AGFG1: variants seen among roughly 807,000 people sequenced by gnomAD.
The protein encoded by AGFG1 is arf-GAP domain and FG repeat-containing protein 1.
In AGFG1, 10 loss-of-function variants were observed where a neutral mutation model predicts 60.6. That is an observed-to-expected ratio of 0.16 (90% CI 0.10 to 0.28). The LOEUF is 0.28. Among genes scored for constraint, AGFG1 ranks in the 10% least tolerant of loss-of-function variants. AGFG1 has a pLI of 1.00. For synonymous variants in AGFG1, 247 were observed against 242.9 expected, an observed-to-expected ratio of 1.02 and a Z score of -0.16; for missense variants, 537 against 676.5, an observed-to-expected ratio of 0.79 and a Z score of 2.29.
intron 2 of AGFG1, among the ~76,000 whole-genome samples, chr2:227,509,040 A>G (rs1029111111): frequency 3.9e-5 from 6 of 152,232 alleles, no homozygotes; most frequent in Non-Finnish European, 8.8e-5. Flanking sequence ...AAAGGAAGCC[A>G]TAAACATGTA....
At chr2:227,529,898 A>G (rs1238480649) in intron 5 of AGFG1, among the ~76,000 whole-genome samples, 1 of 151,892 alleles carries the variant, frequency 6.6e-6, no homozygotes, top group Non-Finnish European at 1.5e-5. Flanking sequence ...TTTTTTAATA[A>G]GAGAAGCTAG....
intron 2 of AGFG1, among the ~76,000 whole-genome samples, chr2:227,494,019 A>G (rs982479540): frequency 2.0e-5 from 3 of 152,038 alleles, no homozygotes; most frequent in African/African-American, 4.8e-5. Flanking sequence ...ATAGGTTGCT[A>G]GGAAATATAC....
chr2:227,522,406 C>T (rs1043242675), intron 3 of AGFG1, among the ~76,000 whole-genome samples: 2 of 152,162 alleles, frequency 1.3e-5, no homozygotes, highest in Admixed American at 1.3e-4. Flanking sequence ...TTCTTGTATT[C>T]ATTCTCATAC....
intron 1 of AGFG1, 78 bp downstream of exon 1, chr2:227,472,666 C>T: frequency 6.9e-7 from 1 of 1,455,210 alleles, no homozygotes; most frequent in Non-Finnish European, 9.1e-7. Context: ...GGGACCCTTC[C>T]GGGGCTGGGA....
chr2:227,515,425 T>C (rs574532828), intron 2 of AGFG1, among the ~76,000 whole-genome samples: 1 of 152,306 alleles, frequency 6.6e-6, no homozygotes, highest in East Asian at 1.9e-4. Flanking sequence ...CCACCACTGA[T>C]TCTCTCTTCC....
chr2:227,513,438 T>G (rs1278418434), intron 2 of AGFG1, among the ~76,000 whole-genome samples: 1 of 152,206 alleles, frequency 6.6e-6, no homozygotes, highest in Non-Finnish European at 1.5e-5. Context: ...GGTTAGGATT[T>G]TTACTTTTCA....
chr2:227,510,774 T>C (rs1691474745), intron 2 of AGFG1: 4 of 152,234 alleles, frequency 2.6e-5, no homozygotes, highest in Admixed American at 1.3e-4. Flanking sequence ...GGTATGGGTA[T>C]GTGAGCTGTG....
chr2:227,547,846 T>C (rs1692698604), intron 10 of AGFG1, among the ~76,000 whole-genome samples: 1 of 152,294 alleles, frequency 6.6e-6, no homozygotes, highest in Non-Finnish European at 1.5e-5. Context: ...ATTAGGAATA[T>C]ACCAAAGAGG....
At chr2:227,482,114 T>C (rs1436860310) in intron 1 of AGFG1, among the ~76,000 whole-genome samples, 1 of 152,020 alleles carries the variant, frequency 6.6e-6, no homozygotes, top group Non-Finnish European at 1.5e-5. Flanking sequence ...ATCTGCCCGC[T>C]TCGGCCTCCC....
In AGFG1 at chr2:227,554,542, A is replaced by C; in HGVS notation, c.*47A>C. The C allele has an allele frequency of 7.0e-7, 1 of 1,431,508 alleles. No individual in the cohort carries two copies. The highest frequency in any genetic ancestry group is 9.8e-7 in the Non-Finnish European group (1 of 1,018,914). The allele number at this position is 1,431,508 out of a possible 1,614,324, so 88.7% of individuals were successfully genotyped here. A position where few individuals can be genotyped will look rare whatever the true frequency, so the allele number is the denominator to read the frequency against. The stretch of plus-strand genomic sequence containing the variant: ...GAACGAACTTTTATGTGGTCACATT[A>C]CATCTCTCCACCTCTTGCACTGTTG... On this transcript the variant is annotated 3_prime_UTR_variant, in exon 13 of 13. Transcript: ENST00000310078.
At chr2:227,530,290 G>C (rs6707385) in intron 5 of AGFG1, among the ~76,000 whole-genome samples, 90,830 of 151,990 alleles carry the variant, frequency 0.6, 27,212 homozygotes, top group South Asian at 0.7. Flanking sequence ...GAATTTATTA[G>C]TGTTGAATTT....
chr2:227,526,734 G>C (rs1288395109), intron 5 of AGFG1, among the ~76,000 whole-genome samples: 1 of 151,086 alleles, frequency 6.6e-6, no homozygotes, highest in Non-Finnish European at 1.5e-5. Flanking sequence ...AGTAAAGATG[G>C]GGTTTCACCA....
chr2:227,476,529 T>C (rs1445584207), intron 1 of AGFG1, among the ~76,000 whole-genome samples: 2 of 152,214 alleles, frequency 1.3e-5, no homozygotes, highest in Non-Finnish European at 2.9e-5. Flanking sequence ...TTTAATACCA[T>C]CTATTTTATG....
intron 1 of AGFG1, among the ~76,000 whole-genome samples, chr2:227,482,235 C>A (rs1690492605): frequency 6.6e-6 from 1 of 152,108 alleles, no homozygotes; most frequent in Middle Eastern, 3.2e-3. Flanking sequence ...TTTTTAGATG[C>A]TTGCTCTAAG....
chr2:227,512,448 T>A (rs1337850312), intron 2 of AGFG1, among the ~76,000 whole-genome samples: 1 of 152,182 alleles, frequency 6.6e-6, no homozygotes, highest in African/African-American at 2.4e-5. Context: ...GTCAAAGTAA[T>A]GTAGGCTGGA....
chr2:227,489,223 G>GTT (rs55762248), intron 1 of AGFG1, among the ~76,000 whole-genome samples: 1,699 of 74,826 alleles, frequency 0.023, 84 homozygotes, highest in African/African-American at 0.057. Context: ...AGTTTTGAGA[G>GTT]TTTTTTTTTT....
At chr2:227,496,776 T>C (rs1424204344) in intron 2 of AGFG1, among the ~76,000 whole-genome samples, 2 of 152,192 alleles carry the variant, frequency 1.3e-5, no homozygotes, top group East Asian at 3.8e-4. Context: ...GAATCTAAAG[T>C]GGTAGAAGTT....
chr2:227,497,735 G>GTTTTTTTTTTTTT (rs869114764), intron 2 of AGFG1, among the ~76,000 whole-genome samples: 12 of 28,022 alleles, frequency 4.3e-4, no homozygotes, highest in African/African-American at 8.8e-4. Context: ...TTCTTGTTTT[G>GTTTTTTTTTTTTT]TTTTTTTTTT....
rs2106246710 is a variant in AGFG1, at chr2:227,553,710, G to T, written c.1544G>T (p.Gly515Val). ...TAFSQQPNGA[G>V]FAAFGQTKPV... ...GTGGTTCTATTTTAACAAGGTGCAG[G>T]TTTTGCAGCATTTGGACAAACAAAG... Residue 515 changes from glycine (G) to valine (V), a missense_variant, in exon 12 of 13, where the codon GGT becomes GTT. Around this residue, in one of 4 missense-constraint regions of AGFG1, gnomAD observed 287 missense variants for 343.6 expected, o/e 0.84. Transcript: ENST00000310078. 1 of 1,613,606 alleles carries T rather than the reference G, an allele frequency of 6.2e-7. No homozygotes were observed. The highest frequency in any genetic ancestry group is 8.5e-7 in the Non-Finnish European group (1 of 1,179,702).
Sources: allele counts gnomAD v4.1 joint callset (sites outside exome capture counted in the v4.1 genomes callset), GRCh38; gene constraint gnomAD v4.1.1; regional missense constraint gnomAD v4.1.1; transcripts MANE v1.5; gene names NCBI Gene and HGNC (gene_info 2026-07-23, HGNC 2026-07-21).